The following ITGA4 variants were observed in gnomAD, a reference collection of about 807,000 sequenced individuals.
The protein encoded by ITGA4 is integrin subunit alpha 4, also known as integrin alpha-4.
ITGA4 carries 63 observed loss-of-function variants against 133.6 expected under a neutral mutation model. That is an observed-to-expected ratio of 0.47 (90% CI 0.38 to 0.58). The LOEUF is 0.58. Among genes scored for constraint, ITGA4 ranks in the 20% least tolerant of loss-of-function variants. ITGA4 has a pLI of 0.00. For missense variants in ITGA4, 1,076 were observed against 1,252.7 expected (o/e 0.86, Z 2.13); for synonymous variants, 483 against 438.0 (o/e 1.10, Z -1.28).
At chr2:181,501,872 G>T (rs1288793509) in intron 15 of ITGA4, among the ~76,000 whole-genome samples, 2 of 152,024 alleles carry the variant, frequency 1.3e-5, no homozygotes, top group Non-Finnish European at 2.9e-5. Flanking sequence ...CTCATCTTGA[G>T]TTGAGGACAG....
intron 9 of ITGA4, among the ~76,000 whole-genome samples, chr2:181,485,225 C>A (rs1022365080): frequency 1.3e-5 from 2 of 152,162 alleles, no homozygotes; most frequent in African/African-American, 4.8e-5. Context: ...CAAGACGCTA[C>A]ACTATAAGAC....
In ITGA4 at chr2:181,482,488, AGTGGATCTG is replaced by A. The variant is rs766218139; in HGVS notation, c.904-23_904-15del. 1 of 1,613,472 alleles carries A rather than the reference AGTGGATCTG, an allele frequency of 6.2e-7. No homozygotes were observed. Among genetic ancestry groups the A allele is most frequent in the East Asian group, 2.2e-5 (1 of 44,862 alleles). On this transcript the variant is annotated splice_polypyrimidine_tract_variant and intron_variant, in intron 8 of 27. Coordinates refer to ENST00000397033, the MANE Select transcript of ITGA4 (RefSeq NM_000885.6). Reference sequence around the variant, plus strand: ...GAGTAACCCTGCTTTTTTCTCAATGAGTGGATCTGGTTTGTTTTGGGACAGCTTGGATCG... The same window carrying A: ...GAGTAACCCTGCTTTTTTCTCAATGAGTTTGTTTTGGGACAGCTTGGATCG...
chr2:181,498,049 A>G, intron 14 of ITGA4, among the ~76,000 whole-genome samples: 1 of 152,104 alleles, frequency 6.6e-6, no homozygotes, highest in South Asian at 2.1e-4. Context: ...CAGAGGAAGG[A>G]CAGATAATCA....
In ITGA4 at chr2:181,497,168, C is replaced by T. The variant is rs555693513; in HGVS notation, c.1540+1231C>T. On this transcript the variant is annotated intron_variant, in intron 14 of 27. Coordinates refer to ENST00000397033, the MANE Select transcript of ITGA4 (RefSeq NM_000885.6). Reference sequence around the variant, plus strand: ...ACAAGCTGAAGGATAATCTGAAAGACACACATTGAGTAGATGACGCTCTTT... The same window carrying T: ...ACAAGCTGAAGGATAATCTGAAAGATACACATTGAGTAGATGACGCTCTTT... 3.3e-5 allele frequency among the ~76,000 whole-genome samples: 5 copies of T among 152,298 alleles called. No homozygotes were observed. The East Asian group carries it at 9.6e-4, about 29-fold the overall frequency.
intron 2 of ITGA4, among the ~76,000 whole-genome samples, chr2:181,472,773 C>T (rs1297919917): frequency 6.6e-6 from 1 of 152,190 alleles, no homozygotes; most frequent in Non-Finnish European, 1.5e-5. Flanking sequence ...CTATCTCCCA[C>T]ACACAATTTT....
chr2:181,506,323 AG>A (rs1186672644), intron 15 of ITGA4, among the ~76,000 whole-genome samples: 2 of 152,254 alleles, frequency 1.3e-5, no homozygotes, highest in Admixed American at 6.5e-5. Flanking sequence ...AAATCTTGTC[AG>A]GTCTGCTTTA....
intron 26 of ITGA4, 113 bp from the exon 27 acceptor site, chr2:181,534,703 G>A: frequency 1.2e-6 from 1 of 859,858 alleles, no homozygotes; most frequent in African/African-American, 1.7e-5. Flanking sequence ...AATGGGCTGG[G>A]CAGTTCTAAA....
rs547060237 is a variant in ITGA4, at chr2:181,536,217, C to T, written c.*690C>T. 1 of 152,016 alleles carries T rather than the reference C, an allele frequency of 6.6e-6. No homozygotes were observed. Among genetic ancestry groups the T allele is most frequent in the East Asian group, 1.9e-4 (1 of 5,184 alleles). The allele number at this position is 152,016 out of a possible 1,614,324, so 9.4% of individuals were successfully genotyped here. ...TATTTTTTTATAATTATGGATTTCA[C>T]CATCTTTCTTTCTGTATATATACAT... On this transcript the variant is annotated 3_prime_UTR_variant, in exon 28 of 28. Coordinates refer to ENST00000397033, the MANE Select transcript of ITGA4 (RefSeq NM_000885.6).
intron 5 of ITGA4, chr2:181,479,496 G>A (rs1007109749): frequency 3.6e-5 from 5 of 137,976 alleles, no homozygotes; most frequent in Non-Finnish European, 8.0e-5. Flanking sequence ...TTCAGTTTAA[G>A]TTGACTTTTT....
chr2:181,531,025 G>C (rs1315653808), intron 24 of ITGA4, among the ~76,000 whole-genome samples: 1 of 152,036 alleles, frequency 6.6e-6, no homozygotes, highest in Non-Finnish European at 1.5e-5. Context: ...TGAGGCAGGA[G>C]AATTGCTTGA....
At chr2:181,532,135 T>C (rs533628362) in intron 25 of ITGA4, among the ~76,000 whole-genome samples, 1 of 152,316 alleles carries the variant, frequency 6.6e-6, no homozygotes, top group South Asian at 2.1e-4. Flanking sequence ...TTCTGTTCCA[T>C]TGGCCTCTGT....
chr2:181,457,926 C>A (rs767955328), intron 1 of ITGA4, 75 bp downstream of exon 1: 106 of 1,373,626 alleles, frequency 7.7e-5, no homozygotes, highest in Non-Finnish European at 1.0e-4. Context: ...ATTCCCTGCC[C>A]GATTCAAACT....
At chr2:181,466,296 T>TAA (rs200326847) in intron 2 of ITGA4, among the ~76,000 whole-genome samples, 1 of 150,992 alleles carries the variant, frequency 6.6e-6, no homozygotes, top group Non-Finnish European at 1.5e-5. Context: ...TAGAATAAGA[T>TAA]AAAAAAAAAT....
At chr2:181,534,998 G>A in intron 27 of ITGA4, 63 bp downstream of exon 27, 2 of 1,482,742 alleles carry the variant, frequency 1.3e-6, no homozygotes, top group Non-Finnish European at 1.8e-6. Context: ...AAGCCAATTT[G>A]ACTTCCAAGT....
In ITGA4 at chr2:181,534,296, G is replaced by A; in HGVS notation, c.2809G>A (p.Glu937Lys). 1 of 1,609,466 alleles carries A rather than the reference G, an allele frequency of 6.2e-7. No homozygotes were observed. Among genetic ancestry groups the A allele is most frequent in the Non-Finnish European group, 8.5e-7 (1 of 1,176,026 alleles). Reference sequence around the variant, plus strand: ...GGATGAGACTTCAGCACTCAAGTTTGAAATAAGAGCAACAGGTTTTCCAGA... The same window carrying A: ...GGATGAGACTTCAGCACTCAAGTTTAAAATAAGAGCAACAGGTTTTCCAGA... ...EMDETSALKF[E>K]IRATGFPEPN... is the part of the protein sequence containing the mutation. The change falls in exon 26 of 28, where the codon GAA becomes AAA. Residue 937 changes from glutamate (E) to lysine (K), a missense_variant. Glu to Lys is a moderately conservative substitution (Grantham distance 56, BLOSUM62 1). Coordinates refer to ENST00000397033, the MANE Select transcript of ITGA4 (RefSeq NM_000885.6).
chr2:181,497,886 T>C (rs1574397637), intron 14 of ITGA4, among the ~76,000 whole-genome samples: 1 of 151,924 alleles, frequency 6.6e-6, no homozygotes, highest in Non-Finnish European at 1.5e-5. Context: ...CTTTTTTTTT[T>C]CTTTCAAATT....
chr2:181,480,098 A>T (rs1241069668), intron 5 of ITGA4, 39 bp from the exon 6 acceptor site: 2 of 1,474,560 alleles, frequency 1.4e-6, no homozygotes, highest in Non-Finnish European at 1.8e-6. Flanking sequence ...GGGTGGTGAG[A>T]TTAAAGTTTA....
In ITGA4 at chr2:181,523,602, G is replaced by T; in HGVS notation, c.2169+70G>T. ...TTTTTTCTATTCTTCCCTATCTTTA[G>T]GTTGCATAGAAAATATTATAAATAT... On this transcript the variant is annotated intron_variant, in intron 19 of 27. Coordinates refer to ENST00000397033, the MANE Select transcript of ITGA4 (RefSeq NM_000885.6). The surrounding 1 kb of genome is among the most constrained non-coding windows in gnomAD (Gnocchi z 4.2). 1 of 816,648 alleles carries T rather than the reference G, an allele frequency of 1.2e-6. No individual in the cohort carries two copies. Among genetic ancestry groups the T allele is most frequent in the Non-Finnish European group, 2.1e-6 (1 of 486,164 alleles). 50.6% of individuals were successfully genotyped at this position (816,648 alleles called of 1,614,324 possible).
chr2:181,483,970 G>A (rs1028497098), intron 9 of ITGA4, among the ~76,000 whole-genome samples: 1 of 152,098 alleles, frequency 6.6e-6, no homozygotes, highest in Admixed American at 6.6e-5. Flanking sequence ...CCTACCCTGA[G>A]GCACTACTCT....
Sources: allele counts gnomAD v4.1 joint callset (sites outside exome capture counted in the v4.1 genomes callset), GRCh38; gene constraint gnomAD v4.1.1; non-coding constraint Gnocchi (gnomAD v3.1); transcripts MANE v1.5; gene names NCBI Gene and HGNC (gene_info 2026-07-23, HGNC 2026-07-21).